TSPEAR: variants seen among roughly 807,000 people sequenced by gnomAD.
The protein encoded by TSPEAR is thrombospondin type laminin G domain and EAR repeats.
A neutral mutation model predicts 71.6 loss-of-function variants in TSPEAR; 69 were observed. The ratio of observed to expected loss-of-function variants is 0.96; its 90% CI spans 0.79 to 1.18. The LOEUF (loss-of-function observed/expected upper bound fraction) is 1.18, where lower values mean the gene tolerates loss of function less well. Ranked by LOEUF, TSPEAR falls within the 50% of genes most tolerant of loss-of-function variation. The probability of loss-of-function intolerance (pLI) is 0.00; values close to 1 mark genes in which losing one functional copy is unlikely to be tolerated. For missense variants in TSPEAR, 971 were observed against 894.9 expected (o/e 1.09, Z -1.09); for synonymous variants, 402 against 387.2 (o/e 1.04, Z -0.45).
intron 1 of TSPEAR, among the ~76,000 whole-genome samples, chr21:44,649,625 G>C (rs782333868): frequency 3.3e-5 from 5 of 152,152 alleles, no homozygotes; most frequent in Admixed American, 6.5e-5. Flanking sequence ...CGGTTTTGGG[G>C]GCCAAGCTTC....
chr21:44,656,832 ATGTCT>A (rs1985178019), intron 1 of TSPEAR, among the ~76,000 whole-genome samples: 1 of 152,000 alleles, frequency 6.6e-6, no homozygotes, highest in Non-Finnish European at 1.5e-5. Flanking sequence ...ACTGTCTCAT[ATGTCT>A]TTTCATTTTT....
intron 3 of TSPEAR, 91 bp from the exon 4 acceptor site, chr21:44,531,224 C>A: frequency 1.0e-6 from 1 of 986,144 alleles, no homozygotes; most frequent in South Asian, 1.4e-5. Flanking sequence ...CCTCACTAAG[C>A]AGCGTGCATC....
intron 1 of TSPEAR, among the ~76,000 whole-genome samples, chr21:44,600,195 G>A (rs1257355199): frequency 6.6e-6 from 1 of 152,146 alleles, no homozygotes; most frequent in African/African-American, 2.4e-5. Context: ...AGAAGCCACA[G>A]CCACCCAGAC....
rs368062347 is a variant in TSPEAR at position 44,498,259 on chromosome 21, T to G, written c.*1524A>C. 1.2e-3 allele frequency: 177 copies of G among 152,226 alleles called. 1 individual carries two copies. Among genetic ancestry groups the G allele is most frequent in the African/African-American group, 4.0e-3 (165 of 41,510 alleles). The allele number at this position is 152,226 out of a possible 1,614,324, so 9.4% of individuals were successfully genotyped here. A position where few individuals can be genotyped will look rare whatever the true frequency, so the allele number is the denominator to read the frequency against. On this transcript the variant is annotated 3_prime_UTR_variant, in exon 12 of 12. Coordinates refer to ENST00000323084, the MANE Select transcript of TSPEAR (RefSeq NM_144991.3). The stretch of plus-strand genomic sequence containing the variant: ...TTCAGCTTTTTTCTTCTTGGTTGAG[T>G]GAATTGGGGTGTCGAGTTTTTAATC...
intron 3 of TSPEAR, among the ~76,000 whole-genome samples, chr21:44,533,432 T>C (rs1402767228): frequency 6.6e-6 from 1 of 151,692 alleles, no homozygotes; most frequent in African/African-American, 2.4e-5. Context: ...CTCCACCCCA[T>C]GGCTCCTGGC....
intron 2 of TSPEAR, among the ~76,000 whole-genome samples, chr21:44,545,809 A>G (rs1031343930): frequency 6.6e-5 from 10 of 152,180 alleles, no homozygotes; most frequent in Non-Finnish European, 1.2e-4. Context: ...AAAAAAAAAT[A>G]AAGATCTCAA....
rs587712656 is a variant in TSPEAR, at chr21:44,524,104, CAGGT to C, written c.1336+1545_1336+1548del. On this transcript the variant is annotated intron_variant, in intron 8 of 11. Coordinates refer to ENST00000323084, the MANE Select transcript of TSPEAR (RefSeq NM_144991.3). ...GCAATCAGTCAATAAGTGAGGTAGT[CAGGT>C]AGTCAGTCAGATAGTCAGTCAGTCA... 2.9e-3 allele frequency among the ~76,000 whole-genome samples: 437 copies of C among 150,466 alleles called. 1 individual carries two copies. Among genetic ancestry groups the C allele is most frequent in the Middle Eastern group, 7.0e-3 (2 of 286 alleles).
At position 44,627,226 on chromosome 21, in the gene TSPEAR, G is replaced by A. The variant is rs782002320; in HGVS notation, c.83-59221C>T. ...CAGCGCTTACTCCGACTCCTGGCAG[G>A]TGGACGACTGCCCAGAGAGCTGCTG... is the stretch of plus-strand genomic sequence containing the variant. On this transcript the variant is annotated intron_variant, in intron 1 of 11. Transcript: ENST00000323084. 1.9e-6 allele frequency: 3 copies of A among 1,612,744 alleles called. No individual in the cohort carries two copies. In the African/African-American group the frequency reaches 4.0e-5, roughly 22 times the overall value.
Position 44,646,539 on chromosome 21 carries a change from T to C in TSPEAR, c.82+64894A>G, listed in dbSNP as rs782713351. 2.5e-5 allele frequency: 40 copies of C among 1,612,502 alleles called. No homozygotes were observed. Among genetic ancestry groups the C allele is most frequent in the African/African-American group, 6.7e-5 (5 of 74,846 alleles). On this transcript the variant is annotated intron_variant, in intron 1 of 11. Transcript: ENST00000323084. ...TGGACGACTGCCCAGAGAGCTGCTG[T>C]GAGCCCCCCTGCAGCGCCCCCAGCT... is the stretch of plus-strand genomic sequence containing the variant.
intron 1 of TSPEAR, among the ~76,000 whole-genome samples, chr21:44,585,715 T>C (rs1469883255): frequency 2.6e-5 from 4 of 152,184 alleles, no homozygotes; most frequent in African/African-American, 9.7e-5. Context: ...ATCCAAGGTG[T>C]TTTCCTTTCT....
In TSPEAR at chr21:44,657,607, A is replaced by G. The variant is rs587628850; in HGVS notation, c.82+53826T>C. On this transcript the variant is annotated intron_variant, in intron 1 of 11. Coordinates refer to ENST00000323084, the MANE Select transcript of TSPEAR (RefSeq NM_144991.3). Reference sequence around the variant, plus strand: ...AAAGCTCAAAATACATTATTGCCTCAACATCTTCCTTGATAGCATGAAACA... The same window carrying G: ...AAAGCTCAAAATACATTATTGCCTCGACATCTTCCTTGATAGCATGAAACA... 2.3e-4 allele frequency among the ~76,000 whole-genome samples: 35 copies of G among 152,358 alleles called. No homozygotes were observed. The Middle Eastern group carries it at 0.014, about 59-fold the overall frequency.
Position 44,566,838 on chromosome 21 carries a change from C to A in TSPEAR, c.303+947G>T, listed in dbSNP as rs1271628389. Among the ~76,000 whole-genome samples, 3 of 152,212 alleles carry A rather than the reference C, an allele frequency of 2.0e-5. 1 individual carries two copies. In the South Asian group the frequency reaches 6.2e-4, roughly 32 times the overall value. ...ACAAAAGAACAAAATTGACCCCCTA[C>A]CTCACACCACATACAAAAATTAAAT... On this transcript the variant is annotated intron_variant, in intron 2 of 11. Transcript: ENST00000323084.
intron 2 of TSPEAR, chr21:44,539,144 G>T: frequency 7.7e-7 from 1 of 1,293,494 alleles, no homozygotes; most frequent in Non-Finnish European, 1.0e-6. Context: ...CAAGGATGGA[G>T]GCTCCTGGGA....
chr21:44,590,634 G>A (rs1200229408), intron 1 of TSPEAR, among the ~76,000 whole-genome samples: 2 of 152,206 alleles, frequency 1.3e-5, no homozygotes, highest in Non-Finnish European at 1.5e-5. Context: ...GCAGGGATGG[G>A]CACTGTGGTC....
chr21:44,678,017 G>T lies in TSPEAR; in HGVS notation c.82+33416C>A, dbSNP rs1055547511. ...CGGCGGCATGGTCACAGTGGACGGA[G>T]GACTAACTTCCCATAGAGACAACTC... On this transcript the variant is annotated intron_variant, in intron 1 of 11. Transcript: ENST00000323084. 64 of 836,474 alleles carry T rather than the reference G, an allele frequency of 7.7e-5. No homozygotes were observed. In the African/African-American group the frequency reaches 1.0e-3, roughly 14 times the overall value. 51.8% of individuals were successfully genotyped at this position (836,474 alleles called of 1,614,324 possible). A position where few individuals can be genotyped will look rare whatever the true frequency, so the allele number is the denominator to read the frequency against.
chr21:44,705,234 T>C (rs1395161420), intron 1 of TSPEAR, among the ~76,000 whole-genome samples: 2 of 152,268 alleles, frequency 1.3e-5, no homozygotes, highest in African/African-American at 4.8e-5. Context: ...TGATTTCCTA[T>C]GCCTGTCTTT....
rs893291358 is a variant in TSPEAR, at chr21:44,612,037, A to G, written c.83-44032T>C. On this transcript the variant is annotated intron_variant, in intron 1 of 11. Coordinates refer to ENST00000323084, the MANE Select transcript of TSPEAR (RefSeq NM_144991.3). This position sits in a 1 kb window ranked among gnomAD's most constrained non-coding sequence, Gnocchi z 4.1. The stretch of plus-strand genomic sequence containing the variant: ...CCCAGGGAGGGTATAAAACCTCAGC[A>G]GCCAGGGCACACAAACCCACACACC... The G allele has an allele frequency of 6.5e-7, 1 of 1,527,610 alleles. No homozygotes were observed. Among genetic ancestry groups the G allele is most frequent in the Non-Finnish European group, 9.0e-7 (1 of 1,116,502 alleles). The allele number at this position is 1,527,610 out of a possible 1,614,324, so 94.6% of individuals were successfully genotyped here.
Position 44,558,109 on chromosome 21 carries a change from A to T in TSPEAR, c.303+9676T>A, listed in dbSNP as rs1327683056. The T allele has an allele frequency of 1.6e-5, 25 of 1,611,192 alleles. No individual in the cohort carries two copies. The highest frequency in any genetic ancestry group is 2.2e-5 in the South Asian group (2 of 90,844). On this transcript the variant is annotated intron_variant, in intron 2 of 11. Transcript: ENST00000323084. Reference sequence around the variant, plus strand: ...CAGCACGCGGAAGAGAGGCGGGAGCACGTGGGGCGGCAGAGGAGGGACACG... The same window carrying T: ...CAGCACGCGGAAGAGAGGCGGGAGCTCGTGGGGCGGCAGAGGAGGGACACG...
chr21:44,558,090 G>C (rs76994627), intron 2 of TSPEAR: 1 of 1,612,522 alleles, frequency 6.2e-7, no homozygotes, highest in East Asian at 2.2e-5. Context: ...GCCGCAGCAC[G>C]CGGAAGAGAG....
Sources: gnomAD v4.1 joint callset for allele counts (sites outside exome capture counted in the v4.1 genomes callset) on GRCh38, gnomAD v4.1.1 for gene constraint, Gnocchi (gnomAD v3.1) non-coding constraint, MANE v1.5 for transcripts, NCBI Gene and HGNC (gene_info 2026-07-23, HGNC 2026-07-21) for gene names.